Variants in SEMA3A observed in about 807,000 individuals in gnomAD.
The protein encoded by SEMA3A is semaphorin-3A.
Under a neutral mutation model 97.9 loss-of-function variants are expected in SEMA3A, and 29 were observed. The observed-to-expected ratio is 0.30, with a 90% CI of 0.22 to 0.40. SEMA3A has a LOEUF of 0.40. Among genes scored for constraint, SEMA3A ranks in the 10% least tolerant of loss-of-function variants. The pLI, the probability that SEMA3A is intolerant of heterozygous loss-of-function variation, is 1.00. For missense variants in SEMA3A, 763 were observed against 951.3 expected (o/e 0.80, Z 2.60); for synonymous variants, 321 against 323.7 (o/e 0.99, Z 0.09).
intron 3 of SEMA3A, among the ~76,000 whole-genome samples, chr7:84,279,320 G>A (rs758168830): frequency 1.9e-4 from 29 of 151,992 alleles, no homozygotes; most frequent in Non-Finnish European, 7.4e-5. Flanking sequence ...CTAACTAATA[G>A]GATGTAATAA....
intron 3 of SEMA3A, among the ~76,000 whole-genome samples, chr7:84,119,658 A>G (rs1468345): frequency 0.8 from 122,215 of 152,084 alleles, 49,157 homozygotes; most frequent in East Asian, 0.93. Context: ...TTAAATACAA[A>G]ATATGATGGA....
intron 15 of SEMA3A, among the ~76,000 whole-genome samples, chr7:83,966,619 G>A (rs1244661358): frequency 6.6e-6 from 1 of 152,132 alleles, no homozygotes; most frequent in Non-Finnish European, 1.5e-5. Context: ...TCAAGATACA[G>A]CGATACTATT....
intron 2 of SEMA3A, among the ~76,000 whole-genome samples, chr7:84,371,297 T>C (rs1250297451): frequency 6.6e-6 from 1 of 151,852 alleles, no homozygotes; most frequent in Non-Finnish European, 1.5e-5. Context: ...TTATGTCATA[T>C]AGTATGGGGG....
intron 4 of SEMA3A, among the ~76,000 whole-genome samples, chr7:84,082,237 T>C (rs556810607): frequency 8.5e-5 from 13 of 152,312 alleles, no homozygotes; most frequent in African/African-American, 3.1e-4. Context: ...GGTATATGAT[T>C]TTGAAAGAGA....
In SEMA3A at chr7:83,957,549, C is replaced by T. The variant is rs1333549666; in HGVS notation, c.*3822G>A. On this transcript the variant is annotated 3_prime_UTR_variant, in exon 17 of 17. Transcript: ENST00000265362. ...ATAACAAAGCTGTTTTCCTTGGTTA[C>T]GTTGATTGCGAAACTGTCCTTACTA... is the stretch of plus-strand genomic sequence containing the variant. The T allele has an allele frequency of 2.0e-5, 3 of 151,968 alleles. No individual in the cohort carries two copies. The highest frequency in any genetic ancestry group is 6.6e-5 in the Admixed American group (1 of 15,226). 9.4% of individuals were successfully genotyped at this position (151,968 alleles called of 1,614,324 possible).
chr7:84,400,568 G>A (rs927919120), intron 1 of SEMA3A, among the ~76,000 whole-genome samples: 1 of 152,112 alleles, frequency 6.6e-6, no homozygotes, highest in Non-Finnish European at 1.5e-5. Context: ...CTCAAAGTCA[G>A]GATACTTGAA....
intron 1 of SEMA3A, among the ~76,000 whole-genome samples, chr7:84,415,455 C>T (rs1804407244): frequency 6.6e-6 from 1 of 152,054 alleles, no homozygotes; most frequent in South Asian, 2.1e-4. Context: ...TTGTAGAACA[C>T]TGTCCTAGCT....
intron 3 of SEMA3A, among the ~76,000 whole-genome samples, chr7:84,207,223 G>A (rs573975950): frequency 6.6e-6 from 1 of 152,176 alleles, no homozygotes; most frequent in Non-Finnish European, 1.5e-5. Flanking sequence ...CACACAATGG[G>A]TCCTCAACAA....
intron 2 of SEMA3A, among the ~76,000 whole-genome samples, chr7:84,336,889 G>T (rs771190867): frequency 5.3e-5 from 8 of 152,058 alleles, no homozygotes; most frequent in Non-Finnish European, 1.2e-4. Flanking sequence ...ATTTCCTTCA[G>T]GAAGTCTAAC....
chr7:83,993,989 A>G (rs1790085956), intron 12 of SEMA3A, among the ~76,000 whole-genome samples: 1 of 126,570 alleles, frequency 7.9e-6, no homozygotes, highest in Admixed American at 8.7e-5. Flanking sequence ...ACATAGTCCC[A>G]TATTTCTTGG....
intron 2 of SEMA3A, among the ~76,000 whole-genome samples, chr7:84,338,623 G>A (rs1476076580): frequency 1.3e-5 from 2 of 152,138 alleles, no homozygotes; most frequent in Non-Finnish European, 2.9e-5. Context: ...TTGGCACAGA[G>A]ATTAGGCATA....
At chr7:84,435,670 T>C (rs1285656822) in intron 1 of SEMA3A, among the ~76,000 whole-genome samples, 1 of 151,894 alleles carries the variant, frequency 6.6e-6, no homozygotes, top group Non-Finnish European at 1.5e-5. Context: ...AAAGAAACAA[T>C]AGATGACACA....
chr7:84,014,642 A>G (rs1791021777), intron 6 of SEMA3A, among the ~76,000 whole-genome samples: 1 of 152,190 alleles, frequency 6.6e-6, no homozygotes, highest in African/African-American at 2.4e-5. Flanking sequence ...CTGGATATTA[A>G]AATATTTTGC....
intron 6 of SEMA3A, among the ~76,000 whole-genome samples, chr7:84,032,630 ATTC>A (rs1281064964): frequency 6.6e-6 from 1 of 152,144 alleles, no homozygotes; most frequent in Admixed American, 6.5e-5. Context: ...GTGCAAAACA[ATTC>A]TTATCACACA....
chr7:84,228,813 T>G (rs998010461), intron 3 of SEMA3A, among the ~76,000 whole-genome samples: 1 of 152,076 alleles, frequency 6.6e-6, no homozygotes, highest in Non-Finnish European at 1.5e-5. Flanking sequence ...CTGTAAACAC[T>G]TCTTCCCTTC....
At chr7:84,037,065 A>G (rs1477102020) in intron 6 of SEMA3A, among the ~76,000 whole-genome samples, 1 of 152,070 alleles carries the variant, frequency 6.6e-6, no homozygotes, top group Non-Finnish European at 1.5e-5. Context: ...ATTATTATTA[A>G]CCATTAGGAA....
intron 5 of SEMA3A, among the ~76,000 whole-genome samples, chr7:84,055,576 G>C (rs1158805595): frequency 6.6e-6 from 1 of 152,246 alleles, no homozygotes; most frequent in South Asian, 2.1e-4. Flanking sequence ...TGCACGGTGC[G>C]CGCACCCACT....
chr7:84,182,913 GAC>G (rs776985418), intron 1 of SEMA3A, among the ~76,000 whole-genome samples: 2 of 151,986 alleles, frequency 1.3e-5, no homozygotes, highest in Non-Finnish European at 2.9e-5. Context: ...TTCTTTGAAA[GAC>G]ACACACTACA....
chr7:84,332,674 TACACACAC>T (rs3048014), intron 2 of SEMA3A, among the ~76,000 whole-genome samples: 30 of 150,020 alleles, frequency 2.0e-4, no homozygotes, highest in Admixed American at 5.3e-4. Flanking sequence ...TGTGTGTGTA[TACACACAC>T]ACACACACAC....
Sources: allele counts gnomAD v4.1 joint callset (sites outside exome capture counted in the v4.1 genomes callset), GRCh38; gene constraint gnomAD v4.1.1; transcripts MANE v1.5; gene names NCBI Gene and HGNC (gene_info 2026-07-23, HGNC 2026-07-21).